STS: variants seen among roughly 807,000 people sequenced by gnomAD.
The protein encoded by STS is steryl-sulfatase.
A neutral mutation model predicts 26.8 loss-of-function variants in STS; 7 were observed. The ratio of observed to expected loss-of-function variants is 0.26; its 90% CI spans 0.15 to 0.49. The LOEUF is 0.49. Ranked by LOEUF, STS falls within the 20% of genes least tolerant of loss-of-function variation. The pLI, the probability that STS is intolerant of heterozygous loss-of-function variation, is 0.98. For missense variants in STS, 434 were observed against 465.6 expected, an observed-to-expected ratio of 0.93 and a Z score of 0.63; for synonymous variants, 199 against 189.4, an observed-to-expected ratio of 1.05 and a Z score of -0.42.
rs751759238 is a variant in STS, at chrX:7,257,801, ATG to A, written c.382+231_382+232del. On this transcript the variant is annotated intron_variant, in intron 5 of 10. Coordinates refer to ENST00000674429, the MANE Select transcript of STS (RefSeq NM_001320752.2). ...CTATCTGGACTACTCAAATGTATAG[ATG>A]TGTGTGTGTGTGTGTGTTGTGTGTT... is the stretch of plus-strand genomic sequence containing the variant. 0.01 allele frequency among the ~76,000 whole-genome samples: 983 copies of A among 97,156 alleles called. 6 individuals are homozygous for A. The highest frequency in any genetic ancestry group is 0.016 in the African/African-American group (447 of 27,489). 84.4% of individuals were successfully genotyped at this position (97,156 alleles called of 115,157 possible).
At chrX:7,256,763 A>G (rs1019999517) in intron 3 of STS, among the ~76,000 whole-genome samples, 1 of 110,993 alleles carries the variant, frequency 9.0e-6, no homozygotes, top group African/African-American at 3.3e-5. Context: ...ACATGAATGG[A>G]CCTTTTGGGG....
intron 9 of STS, among the ~76,000 whole-genome samples, chrX:7,328,365 A>G (rs1186746359): frequency 3.6e-5 from 4 of 111,476 alleles, no homozygotes; most frequent in African/African-American, 1.3e-4. Flanking sequence ...TAGCCACTCT[A>G]GTCTGAGGCT....
intron 2 of STS, among the ~76,000 whole-genome samples, chrX:7,206,840 T>C (rs1169831754): frequency 1.8e-5 from 2 of 112,381 alleles, no homozygotes; most frequent in African/African-American, 6.5e-5. Flanking sequence ...AACAGTTACT[T>C]AGTTTTGGTT....
chrX:7,283,654 T>C (rs1326774136), intron 7 of STS, among the ~76,000 whole-genome samples: 1 of 110,296 alleles, frequency 9.1e-6, no homozygotes, highest in Non-Finnish European at 1.9e-5. Context: ...GAAAGTAGGA[T>C]CACCAAACTT....
chrX:7,219,692 C>T (rs372048644), intron 2 of STS: 10 of 1,210,099 alleles, frequency 8.3e-6, no homozygotes, highest in East Asian at 3.0e-5. Context: ...TTAAGGTAAG[C>T]GTCTATTCCC....
At position 7,325,414 on chromosome X, in the gene STS, G is replaced by A; in HGVS notation, c.1157G>A (p.Gly386Asp). The change falls in exon 9 of 11, where the codon GGC (glycine) becomes GAC (aspartate). Residue 386 changes from glycine (G) to aspartate (D), a missense_variant. Physicochemically the swap from Gly to Asp is moderately conservative, Grantham distance 94. Around this residue, in one of 2 missense-constraint regions of STS, gnomAD observed 205 missense variants for 177.3 expected, o/e 1.16. Coordinates refer to ENST00000674429, the MANE Select transcript of STS (RefSeq NM_001320752.2). Reference protein sequence around the residue: ...ILRWPRVIQAGQKIDEPTSNM... With the variant: ...ILRWPRVIQADQKIDEPTSNM... ...CGTTGGCCCAGGGTGATACAGGCTG[G>A]CCAGAAGATTGATGAGCCCACTAGC... 1 of 1,211,402 alleles carries A rather than the reference G, an allele frequency of 8.3e-7. No individual in the cohort carries two copies. Among genetic ancestry groups the A allele is most frequent in the Middle Eastern group, 2.3e-4 (1 of 4,350 alleles).
intron 2 of STS, among the ~76,000 whole-genome samples, chrX:7,205,437 C>G (rs1300396104): frequency 1.8e-5 from 2 of 111,537 alleles, no homozygotes; most frequent in Non-Finnish European, 3.8e-5. Flanking sequence ...CCCATACTGA[C>G]TAGCAGCTTG....
At chrX:7,291,993 A>G (rs1229322427) in intron 7 of STS, among the ~76,000 whole-genome samples, 2 of 112,305 alleles carry the variant, frequency 1.8e-5, no homozygotes, top group African/African-American at 6.5e-5. Context: ...TTGCAAGTAA[A>G]TATACCATAC....
At chrX:7,237,198 A>C (rs1220914727) in intron 2 of STS, among the ~76,000 whole-genome samples, 1 of 97,796 alleles carries the variant, frequency 1.0e-5, no homozygotes, top group Non-Finnish European at 2.1e-5. Flanking sequence ...CCCCCCCAAA[A>C]ACCAAAGATT....
At chrX:7,245,977 T>C (rs1922849186) in intron 2 of STS, among the ~76,000 whole-genome samples, 1 of 112,360 alleles carries the variant, frequency 8.9e-6, no homozygotes, top group African/African-American at 3.2e-5. Context: ...AACACAAGCA[T>C]GTAGTACTTG....
intron 6 of STS, among the ~76,000 whole-genome samples, chrX:7,271,540 G>A (rs1924268720): frequency 9.0e-6 from 1 of 110,971 alleles, no homozygotes; most frequent in Non-Finnish European, 1.9e-5. Context: ...TGGCTTGGTA[G>A]AGATGCTCAT....
At chrX:7,192,665 C>T (rs1260099109) in intron 2 of STS, among the ~76,000 whole-genome samples, 1 of 111,923 alleles carries the variant, frequency 8.9e-6, no homozygotes, top group African/African-American at 3.2e-5. Flanking sequence ...CCTGGATGAT[C>T]CTGCCAGCCA....
At chrX:7,306,968 C>T (rs760431518) in intron 8 of STS, among the ~76,000 whole-genome samples, 1 of 111,690 alleles carries the variant, frequency 9.0e-6, no homozygotes, top group African/African-American at 3.2e-5. Context: ...GCTTATGAAG[C>T]CTTATGCTTC....
intron 1 of STS, among the ~76,000 whole-genome samples, chrX:7,165,423 C>T (rs1301148908): frequency 2.7e-5 from 3 of 110,750 alleles, no homozygotes; most frequent in South Asian, 3.9e-4. Flanking sequence ...CCAAGGAGGG[C>T]GAGGAGATTG....
In STS at chrX:7,160,641, G is replaced by C. The variant is rs146866068; in HGVS notation, c.-134+12558G>C. Among the ~76,000 whole-genome samples, 620 of 112,180 alleles carry C rather than the reference G, an allele frequency of 5.5e-3. 1 individual carries two copies. The highest frequency in any genetic ancestry group is 9.3e-3 in the Non-Finnish European group (495 of 53,270). On this transcript the variant is annotated intron_variant, in intron 1 of 10. Transcript: ENST00000674429. Reference sequence around the variant, plus strand: ...TGAAAATACTGCACCCACTGCTTCTGAGTTAGATACGATGTCTATGCGGGA... The same window carrying C: ...TGAAAATACTGCACCCACTGCTTCTCAGTTAGATACGATGTCTATGCGGGA...
intron 2 of STS, among the ~76,000 whole-genome samples, chrX:7,214,919 A>G (rs1032284339): frequency 2.9e-4 from 29 of 98,512 alleles, no homozygotes; most frequent in South Asian, 1.3e-3. Context: ...ATATATATAT[A>G]TGTGTGTGTG....
chrX:7,173,241 C>G (rs762062696), intron 1 of STS, among the ~76,000 whole-genome samples: 6 of 111,590 alleles, frequency 5.4e-5, no homozygotes, highest in African/African-American at 2.0e-4. Flanking sequence ...CTTCCACTCT[C>G]ATCCATGTCC....
intron 1 of STS, among the ~76,000 whole-genome samples, chrX:7,173,094 A>G (rs779308867): frequency 1.4e-4 from 16 of 110,447 alleles, no homozygotes; most frequent in African/African-American, 4.3e-4. Context: ...CCCCCAGCCT[A>G]TCCTCCCCAC....
intron 2 of STS, among the ~76,000 whole-genome samples, chrX:7,195,589 C>T (rs1164045204): frequency 8.9e-6 from 1 of 112,433 alleles, no homozygotes; most frequent in African/African-American, 3.2e-5. Context: ...TATAAGAAGA[C>T]GTCTTACAAA....
Sources: allele counts gnomAD v4.1 joint callset (sites outside exome capture counted in the v4.1 genomes callset), GRCh38; gene constraint gnomAD v4.1.1; regional missense constraint gnomAD v4.1.1; transcripts MANE v1.5; gene names NCBI Gene and HGNC (gene_info 2026-07-23, HGNC 2026-07-21).